Variants in RB1 observed in about 807,000 individuals in gnomAD.
RB1 encodes RB transcriptional corepressor 1, also known as retinoblastoma-associated protein.
RB1 carries 18 observed loss-of-function variants against 135.4 expected under a neutral mutation model. That is an observed-to-expected ratio of 0.13 (90% CI 0.09 to 0.20). The LOEUF (loss-of-function observed/expected upper bound fraction) is 0.20. RB1 is among the 10% of genes least tolerant of loss of function. The pLI is 1.00. For synonymous variants in RB1, 365 were observed against 373.2 expected, an observed-to-expected ratio of 0.98 and a Z score of 0.25; for missense variants, 868 against 1,110.0, an observed-to-expected ratio of 0.78 and a Z score of 3.10.
intron 2 of RB1, among the ~76,000 whole-genome samples, chr13:48,323,734 C>T (rs562719770): frequency 6.6e-6 from 1 of 152,046 alleles, no homozygotes; most frequent in African/African-American, 2.4e-5. Context: ...TTTACTACAG[C>T]GTGTTTTCTT....
intron 17 of RB1, among the ~76,000 whole-genome samples, chr13:48,387,316 A>G (rs1358413180): frequency 6.6e-6 from 1 of 152,142 alleles, no homozygotes; most frequent in East Asian, 1.9e-4. Context: ...ATATTTTTAA[A>G]TTTTCTCAAG....
chr13:48,341,849 A>G (rs1952445470), intron 2 of RB1, among the ~76,000 whole-genome samples: 2 of 152,042 alleles, frequency 1.3e-5, no homozygotes, highest in African/African-American at 2.4e-5. Flanking sequence ...AGTTCCAACT[A>G]TTTAATGAAC....
At chr13:48,465,607 C>G (rs545186834) in intron 23 of RB1, among the ~76,000 whole-genome samples, 45 of 152,112 alleles carry the variant, frequency 3.0e-4, no homozygotes, top group South Asian at 2.1e-4. Flanking sequence ...GCGTGAGCGA[C>G]GCAGAAGACG....
At chr13:48,418,184 C>T (rs974463269) in intron 17 of RB1, among the ~76,000 whole-genome samples, 7 of 152,196 alleles carry the variant, frequency 4.6e-5, no homozygotes. Flanking sequence ...GTGGATCTCT[C>T]TGCAGAAACC....
intron 2 of RB1, among the ~76,000 whole-genome samples, chr13:48,330,197 T>C (rs1002503835): frequency 6.6e-6 from 1 of 151,790 alleles, no homozygotes; most frequent in Non-Finnish European, 1.5e-5. Context: ...GGAGATTTCA[T>C]AGTGATAAAC....
intron 24 of RB1, among the ~76,000 whole-genome samples, chr13:48,475,807 T>G (rs1232153984): frequency 6.6e-6 from 1 of 152,164 alleles, no homozygotes; most frequent in East Asian, 1.9e-4. Context: ...TGACCAAATA[T>G]TAAAATGTGT....
Position 48,400,512 on chromosome 13 carries a change from AT to A in RB1, c.1695+19074del, listed in dbSNP as rs576575577. ...TTGCTCATGTTTTATCTGTGTTTGT[AT>A]TTTTGTGTTTGTGAGTGTTACTATG... is the stretch of plus-strand genomic sequence containing the variant. On this transcript the variant is annotated intron_variant, in intron 17 of 26. Transcript: ENST00000267163. Among the ~76,000 whole-genome samples, 3 of 152,140 alleles carry A rather than the reference AT, an allele frequency of 2.0e-5. No individual in the cohort carries two copies. In the South Asian group the frequency reaches 6.2e-4, roughly 32 times the overall value.
intron 26 of RB1, 127 bp from the exon 27 acceptor site, chr13:48,479,871 T>C (rs984942094): frequency 1.4e-6 from 1 of 724,824 alleles, no homozygotes; most frequent in Non-Finnish European, 2.5e-6. Context: ...AATACTAGAA[T>C]GAAGACCACT....
chr13:48,316,975 C>T, intron 2 of RB1: 1 of 423,446 alleles, frequency 2.4e-6, no homozygotes, highest in South Asian at 2.9e-5. Context: ...TCGTCCCTAT[C>T]GATGACCCTT....
chr13:48,384,505 G>A (rs996798310), intron 17 of RB1, among the ~76,000 whole-genome samples: 1 of 151,996 alleles, frequency 6.6e-6, no homozygotes, highest in African/African-American at 2.4e-5. Context: ...GTGACAGTTT[G>A]GTGAATTTGT....
chr13:48,342,839 A>G (rs1400329807), intron 3 of RB1, 125 bp downstream of exon 3: 16 of 677,676 alleles, frequency 2.4e-5, no homozygotes, highest in Middle Eastern at 3.9e-4. Flanking sequence ...AAGAACTTGG[A>G]CCAAATAGTG....
At chr13:48,307,662 C>G (rs1414845940) in intron 2 of RB1, among the ~76,000 whole-genome samples, 1 of 145,192 alleles carries the variant, frequency 6.9e-6, no homozygotes, top group Non-Finnish European at 1.5e-5. Context: ...CGAGACCAGC[C>G]TGGGCAACAT....
chr13:48,391,429 A>G (rs1207118212), intron 17 of RB1: 1 of 152,050 alleles, frequency 6.6e-6, no homozygotes, highest in Admixed American at 6.6e-5. Flanking sequence ...CCTTGTGTAG[A>G]TCCAGATTCC....
Position 48,307,272 on chromosome 13 carries a change from T to C in RB1, c.138-8T>C, listed in dbSNP as rs201562657. 7 of 1,599,812 alleles carry C rather than the reference T, an allele frequency of 4.4e-6. No homozygotes were observed. Among genetic ancestry groups the C allele is most frequent in the Middle Eastern group, 1.7e-4 (1 of 6,034 alleles). On this transcript the variant is annotated splice_polypyrimidine_tract_variant and splice_region_variant and intron_variant, in intron 1 of 26. Coordinates refer to ENST00000267163, the MANE Select transcript of RB1 (RefSeq NM_000321.3). Reference sequence around the variant, plus strand: ...TATGCCAATTATATGATTATTTTCATTTGGTAGGCTTGAGTTTGAAGAAAC... The same window carrying C: ...TATGCCAATTATATGATTATTTTCACTTGGTAGGCTTGAGTTTGAAGAAAC...
intron 2 of RB1, among the ~76,000 whole-genome samples, chr13:48,313,745 C>CTTTTTTTTTTTTT (rs56131979): frequency 9.8e-6 from 1 of 101,962 alleles, no homozygotes; most frequent in Non-Finnish European, 1.8e-5. Context: ...TATGTTTATT[C>CTTTTTTTTTTTTT]TTTTTTTTTT....
Position 48,319,333 on chromosome 13 carries a change from CGTTGGCCTCCTTGCGT to C in RB1, c.264+11931_264+11946del, listed in dbSNP as rs1952214251. Reference sequence around the variant, plus strand: ...CGCTGGGCCCTCTGGGGCAGGTCCCCGTTGGCCTCCTTGCGTGTTTGCCGCAGCTAGTACACCTGGA... The same window carrying C: ...CGCTGGGCCCTCTGGGGCAGGTCCCCGTTTGCCGCAGCTAGTACACCTGGA... On this transcript the variant is annotated intron_variant, in intron 2 of 26. Coordinates refer to ENST00000267163, the MANE Select transcript of RB1 (RefSeq NM_000321.3). This position sits in a 1 kb window ranked among gnomAD's most constrained non-coding sequence, Gnocchi z 5.0. The C allele has an allele frequency of 3.7e-6, 2 of 544,278 alleles. No individual in the cohort carries two copies. The highest frequency in any genetic ancestry group is 6.5e-6 in the Non-Finnish European group (2 of 308,046). 33.7% of individuals were successfully genotyped at this position (544,278 alleles called of 1,614,324 possible).
chr13:48,478,487 AT>A (rs1309468188), intron 26 of RB1, among the ~76,000 whole-genome samples: 1 of 152,234 alleles, frequency 6.6e-6, no homozygotes, highest in African/African-American at 2.4e-5. Flanking sequence ...TTGAAGACAT[AT>A]GGAAACATTT....
At chr13:48,351,094 C>T (rs533119166) in intron 6 of RB1, among the ~76,000 whole-genome samples, 53 of 152,150 alleles carry the variant, frequency 3.5e-4, no homozygotes, top group Non-Finnish European at 5.9e-4. Flanking sequence ...TGAGTATGTA[C>T]TCAGTAATGG....
intron 17 of RB1, among the ~76,000 whole-genome samples, chr13:48,437,110 C>A (rs1475938795): frequency 1.3e-5 from 2 of 152,144 alleles, no homozygotes; most frequent in Non-Finnish European, 2.9e-5. Flanking sequence ...TCTACTTTTT[C>A]TATCAATATT....
Sources: gnomAD v4.1 joint callset for allele counts (sites outside exome capture counted in the v4.1 genomes callset) on GRCh38, gnomAD v4.1.1 for gene constraint, Gnocchi (gnomAD v3.1) non-coding constraint, MANE v1.5 for transcripts, NCBI Gene and HGNC (gene_info 2026-07-23, HGNC 2026-07-21) for gene names.